CUX1: variants seen among roughly 807,000 people sequenced by gnomAD.
CUX1 encodes the protein protein CASP.
Under a neutral mutation model 158.8 loss-of-function variants are expected in CUX1, and 31 were observed. The ratio of observed to expected loss-of-function variants is 0.20; its 90% CI spans 0.15 to 0.26. The LOEUF (loss-of-function observed/expected upper bound fraction) is 0.26. CUX1 is among the 10% of genes least tolerant of loss of function. The pLI is 1.00. For synonymous variants in CUX1, 879 were observed against 862.1 expected (o/e 1.02, Z -0.34); for missense variants, 1,589 against 2,014.6 (o/e 0.79, Z 4.04).
intron 11 of CUX1, among the ~76,000 whole-genome samples, chr7:102,184,666 G>A (rs1586100869): frequency 2.6e-5 from 4 of 151,996 alleles, no homozygotes; most frequent in Admixed American, 2.6e-4. Context: ...TATTTTTAAA[G>A]ACAGGATCTT....
chr7:102,123,261 A>G (rs1832249851), intron 8 of CUX1, among the ~76,000 whole-genome samples: 1 of 151,534 alleles, frequency 6.6e-6, no homozygotes, highest in Admixed American at 6.6e-5. Flanking sequence ...GGCACTGTGC[A>G]TGTGGCCATG....
Position 101,951,559 on chromosome 7 carries a change from G to A in CUX1, c.141+35334G>A, listed in dbSNP as rs375475. Among the ~76,000 whole-genome samples, 16 of 151,710 alleles carry A rather than the reference G, an allele frequency of 1.1e-4. No homozygotes were observed. In the East Asian group the frequency reaches 1.6e-3, roughly 15 times the overall value. On this transcript the variant is annotated intron_variant, in intron 2 of 23. Coordinates refer to ENST00000292535, the MANE Select transcript of CUX1 (RefSeq NM_181552.4). Reference sequence around the variant, plus strand: ...CTCGCTCTGTTGCCCAGGCTGGAGCGCAGTGGCATGATCTCGGCTCACTGC... The same window carrying A: ...CTCGCTCTGTTGCCCAGGCTGGAGCACAGTGGCATGATCTCGGCTCACTGC...
Position 102,155,233 on chromosome 7 carries a change from A to G in CUX1, c.675-3327A>G, listed in dbSNP as rs561024475. ...TACACGATAGGTAACTAACTGAAGT[A>G]CAAAATTGTGTTTAAAACTTGTGAT... On this transcript the variant is annotated intron_variant, in intron 8 of 23. Transcript: ENST00000292535. Among the ~76,000 whole-genome samples, 7 of 152,254 alleles carry G rather than the reference A, an allele frequency of 4.6e-5. No individual in the cohort carries two copies. The East Asian group carries it at 1.3e-3, about 29-fold the overall frequency.
chr7:102,064,510 CTG>C (rs1203686689), intron 3 of CUX1, among the ~76,000 whole-genome samples: 2 of 151,894 alleles, frequency 1.3e-5, no homozygotes, highest in Non-Finnish European at 2.9e-5. Flanking sequence ...TCAGAGGGAG[CTG>C]TGTTACCAAG....
intron 2 of CUX1, among the ~76,000 whole-genome samples, chr7:101,921,928 G>T (rs1342487594): frequency 6.6e-6 from 1 of 152,004 alleles, no homozygotes; most frequent in Non-Finnish European, 1.5e-5. Flanking sequence ...GACCATCCTG[G>T]GCAACATAGT....
intron 1 of CUX1, among the ~76,000 whole-genome samples, chr7:101,837,828 CAAAAAAAA>C (rs200090006): frequency 3.8e-4 from 17 of 44,376 alleles, no homozygotes; most frequent in South Asian, 2.8e-3. Context: ...GAGACCCTGT[CAAAAAAAA>C]AAAAAAAAAA....
intron 3 of CUX1, among the ~76,000 whole-genome samples, chr7:102,030,664 T>C (rs1478132082): frequency 6.9e-6 from 1 of 144,780 alleles, no homozygotes; most frequent in East Asian, 1.9e-4. Context: ...TGGAAATCTG[T>C]CTATCTAATT....
chr7:102,058,252 C>A (rs1352575172), intron 3 of CUX1, among the ~76,000 whole-genome samples: 2 of 152,070 alleles, frequency 1.3e-5, no homozygotes, highest in Admixed American at 6.6e-5. Context: ...TGCTTCATTG[C>A]AATATTTGCT....
intron 23 of CUX1, among the ~76,000 whole-genome samples, chr7:102,246,643 C>T (rs1171365524): frequency 6.6e-6 from 1 of 151,984 alleles, no homozygotes; most frequent in Admixed American, 6.5e-5. Flanking sequence ...AGTCTTGGCT[C>T]ACTGTAACCT....
At chr7:102,189,759 T>C in intron 11 of CUX1, 54 bp from the exon 12 acceptor site, 1 of 1,590,650 alleles carries the variant, frequency 6.3e-7, no homozygotes, top group Admixed American at 1.7e-5. Flanking sequence ...GTCGGTGAAG[T>C]CCGTCGACCT....
chr7:102,034,574 G>A (rs1821192318), intron 3 of CUX1, among the ~76,000 whole-genome samples: 1 of 152,042 alleles, frequency 6.6e-6, no homozygotes. Context: ...CCAACATGGT[G>A]AAACCCCAGC....
intron 16 of CUX1, among the ~76,000 whole-genome samples, chr7:102,274,989 G>T (rs782462943): frequency 6.6e-6 from 1 of 152,184 alleles, no homozygotes; most frequent in Non-Finnish European, 1.5e-5. Flanking sequence ...CTCTGACAGC[G>T]CAGACGGGGG....
chr7:101,873,677 G>A (rs1437328395), intron 1 of CUX1, among the ~76,000 whole-genome samples: 1 of 152,054 alleles, frequency 6.6e-6, no homozygotes, highest in East Asian at 1.9e-4. Flanking sequence ...TCCACTTCCC[G>A]AGTTCAAGCG....
chr7:102,038,601 G>A (rs1329682280), intron 3 of CUX1, among the ~76,000 whole-genome samples: 1 of 152,160 alleles, frequency 6.6e-6, no homozygotes, highest in Non-Finnish European at 1.5e-5. Flanking sequence ...TTGGCATCTG[G>A]TGATAAAGAC....
chr7:101,816,428 G>A (rs1791792796), upstream of CUX1, among the ~76,000 whole-genome samples: 1 of 140,210 alleles, frequency 7.1e-6, no homozygotes, highest in African/African-American at 2.5e-5. Context: ...CGCCAGCGCC[G>A]CCGCCGCCGT....
intron 2 of CUX1, among the ~76,000 whole-genome samples, chr7:102,011,093 A>G (rs1389140648): frequency 1.3e-5 from 2 of 152,160 alleles, no homozygotes; most frequent in Non-Finnish European, 2.9e-5. Context: ...AGCCTGGGCA[A>G]CAAGAGCAAA....
At chr7:102,229,075 T>C (rs2132369286) in intron 21 of CUX1, among the ~76,000 whole-genome samples, 1 of 152,302 alleles carries the variant, frequency 6.6e-6, no homozygotes, top group South Asian at 2.1e-4. Flanking sequence ...ATTTTATCAT[T>C]GCTGTTCCCG....
chr7:102,168,908 C>CTTTTTTTTTTTTTTTTTT (rs1563341626), intron 9 of CUX1, among the ~76,000 whole-genome samples: 1 of 121,984 alleles, frequency 8.2e-6, no homozygotes, highest in Non-Finnish European at 1.7e-5. Context: ...CTTTTCTTTT[C>CTTTTTTTTTTTTTTTTTT]TTTTATTTTC....
chr7:102,094,486 C>T (rs1482147027), intron 4 of CUX1, among the ~76,000 whole-genome samples: 4 of 152,164 alleles, frequency 2.6e-5, no homozygotes, highest in African/African-American at 4.8e-5. Flanking sequence ...TGATAATGTG[C>T]GTGTCATTTT....
Sources: allele counts gnomAD v4.1 joint callset (sites outside exome capture counted in the v4.1 genomes callset), GRCh38; gene constraint gnomAD v4.1.1; transcripts MANE v1.5; gene names NCBI Gene and HGNC (gene_info 2026-07-23, HGNC 2026-07-21).